DAB1: variants seen among roughly 807,000 people sequenced by gnomAD.
The protein encoded by DAB1 is DAB adaptor protein 1.
A neutral mutation model predicts 64.6 loss-of-function variants in DAB1; 15 were observed. The ratio of observed to expected loss-of-function variants is 0.23; its 90% confidence interval spans 0.16 to 0.36. DAB1 has a LOEUF of 0.36. Among genes scored for constraint, DAB1 ranks in the 10% least tolerant of loss-of-function variants. DAB1 has a pLI of 1.00. For synonymous variants in DAB1, 235 were observed against 251.9 expected, an observed-to-expected ratio of 0.93 and a Z score of 0.64; for missense variants, 596 against 706.7, an observed-to-expected ratio of 0.84 and a Z score of 1.78.
chr1:57,187,953 G>A (rs1663750610), intron 2 of DAB1, among the ~76,000 whole-genome samples: 1 of 152,122 alleles, frequency 6.6e-6, no homozygotes, highest in Non-Finnish European at 1.5e-5. Flanking sequence ...CACCCCACAA[G>A]GAGAGAGAGG....
intron 7 of DAB1, among the ~76,000 whole-genome samples, chr1:57,574,167 A>C (rs980409245): frequency 7.2e-5 from 11 of 152,308 alleles, no homozygotes; most frequent in African/African-American, 2.6e-4. Context: ...ATAGAAGTAG[A>C]GGTCCCTGGG....
intron 4 of DAB1, among the ~76,000 whole-genome samples, chr1:58,205,231 C>G (rs1658203958): frequency 6.8e-6 from 1 of 147,392 alleles, no homozygotes; most frequent in Non-Finnish European, 1.5e-5. Context: ...ACAACTCTTT[C>G]AGGCAAGACT....
intron 3 of DAB1, among the ~76,000 whole-genome samples, chr1:58,463,964 C>G (rs338253): frequency 0.37 from 56,228 of 152,072 alleles, 11,231 homozygotes; most frequent in African/African-American, 0.5. Context: ...ATGAGAGAAG[C>G]TGAGCTCACA....
At chr1:58,457,713 G>C (rs996571989) in intron 3 of DAB1, among the ~76,000 whole-genome samples, 2 of 152,164 alleles carry the variant, frequency 1.3e-5, no homozygotes, top group Admixed American at 1.3e-4. Context: ...TGGGGGTGAG[G>C]GCTTCCTGTC....
intron 7 of DAB1, among the ~76,000 whole-genome samples, chr1:57,648,622 T>C (rs1646221448): frequency 6.6e-6 from 1 of 152,210 alleles, no homozygotes; most frequent in Non-Finnish European, 1.5e-5. Flanking sequence ...CCTTCTCCAG[T>C]CCTGTTGTTC....
At chr1:58,509,918 T>C (rs1385383090) in intron 2 of DAB1, among the ~76,000 whole-genome samples, 1 of 151,746 alleles carries the variant, frequency 6.6e-6, no homozygotes, top group African/African-American at 2.4e-5. Flanking sequence ...CTCCAAGAAA[T>C]ATACAACCCA....
At chr1:57,642,341 T>G (rs1443980392) in intron 7 of DAB1, among the ~76,000 whole-genome samples, 2 of 152,228 alleles carry the variant, frequency 1.3e-5, no homozygotes, top group Non-Finnish European at 2.9e-5. Context: ...GCTGATTCCC[T>G]AGCCCTTAGG....
At chr1:57,730,166 AT>A (rs753490710) in intron 6 of DAB1, among the ~76,000 whole-genome samples, 2 of 152,250 alleles carry the variant, frequency 1.3e-5, no homozygotes, top group African/African-American at 2.4e-5. Flanking sequence ...AATGCTTGTC[AT>A]TGGGCAAAAG....
chr1:57,656,220 G>T (rs1319441304), intron 6 of DAB1, among the ~76,000 whole-genome samples: 1 of 152,174 alleles, frequency 6.6e-6, no homozygotes, highest in Non-Finnish European at 1.5e-5. Context: ...CTCCAGAACT[G>T]TGAGAGGTAA....
At chr1:57,339,624 G>A (rs895918453) in intron 1 of DAB1, among the ~76,000 whole-genome samples, 1 of 152,126 alleles carries the variant, frequency 6.6e-6, no homozygotes, top group Admixed American at 6.5e-5. Flanking sequence ...AATTGAGCTG[G>A]TATGTTTAAG....
Position 58,526,135 on chromosome 1 carries a change from T to C in DAB1, n.107+1126A>G, listed in dbSNP as rs575323306. 3.9e-5 allele frequency among the ~76,000 whole-genome samples: 6 copies of C among 152,156 alleles called. No individual in the cohort carries two copies. In the South Asian group the frequency reaches 8.3e-4, roughly 21 times the overall value. On this transcript the variant is annotated intron_variant and non_coding_transcript_variant, in intron 2 of 20. Coordinates refer to the DAB1 transcript ENST00000485760. The stretch of plus-strand genomic sequence containing the variant: ...CAGAACACAGAACACACTTAACATA[T>C]AGGGAAAATCTGACAGACTGGAGTA...
At chr1:57,675,576 T>G (rs1373539531) in intron 6 of DAB1, among the ~76,000 whole-genome samples, 1 of 152,182 alleles carries the variant, frequency 6.6e-6, no homozygotes, top group African/African-American at 2.4e-5. Flanking sequence ...ACTATACGAC[T>G]GTTGAGCAGA....
chr1:58,190,640 C>T (rs1315331278), intron 4 of DAB1, among the ~76,000 whole-genome samples: 1 of 152,216 alleles, frequency 6.6e-6, no homozygotes, highest in Non-Finnish European at 1.5e-5. Flanking sequence ...AGATCTAGCA[C>T]TCTCTACCCA....
At chr1:57,352,111 C>G (rs1678637903) in intron 1 of DAB1, among the ~76,000 whole-genome samples, 1 of 152,104 alleles carries the variant, frequency 6.6e-6, no homozygotes, top group Admixed American at 6.6e-5. Context: ...TGACTTTGTT[C>G]CATCCAACAA....
chr1:57,695,388 GA>G (rs1169135253), intron 6 of DAB1, among the ~76,000 whole-genome samples: 1,144 of 76,908 alleles, frequency 0.015, 15 homozygotes, highest in Admixed American at 0.028. Flanking sequence ...AAGAAAGAAA[GA>G]AAGAAAGAAA....
chr1:57,967,928 C>A (rs1239470896), intron 5 of DAB1, among the ~76,000 whole-genome samples: 2 of 152,016 alleles, frequency 1.3e-5, no homozygotes, highest in Non-Finnish European at 2.9e-5. Flanking sequence ...TTTGCATTTT[C>A]GTATATAAAA....
At chr1:57,267,135 T>G (rs952278848) in intron 2 of DAB1, among the ~76,000 whole-genome samples, 7 of 152,106 alleles carry the variant, frequency 4.6e-5, no homozygotes, top group African/African-American at 1.7e-4. Context: ...TTAAGTCCAA[T>G]AATAAGTGTT....
intron 5 of DAB1, among the ~76,000 whole-genome samples, chr1:57,904,923 A>G (rs1292924281): frequency 1.3e-5 from 2 of 152,016 alleles, no homozygotes; most frequent in Non-Finnish European, 2.9e-5. Flanking sequence ...GAATGATAGA[A>G]CTGAATTTAT....
At chr1:57,303,252 T>G (rs1673823451) in intron 1 of DAB1, among the ~76,000 whole-genome samples, 1 of 152,178 alleles carries the variant, frequency 6.6e-6, no homozygotes, top group African/African-American at 2.4e-5. Flanking sequence ...GACAGAATGG[T>G]GACCCCCACA....
Sources: allele counts gnomAD v4.1 joint callset (sites outside exome capture counted in the v4.1 genomes callset), GRCh38; gene constraint gnomAD v4.1.1; transcripts MANE v1.5; gene names NCBI Gene and HGNC (gene_info 2026-07-23, HGNC 2026-07-21).